The following ARHGAP25 variants were observed in gnomAD, a reference collection of about 807,000 sequenced individuals.
ARHGAP25 encodes Rho GTPase activating protein 25, also known as rho GTPase-activating protein 25.
ARHGAP25 carries 34 observed loss-of-function variants against 71.0 expected under a neutral mutation model. That is an observed-to-expected ratio of 0.48 (90% CI 0.36 to 0.64). The LOEUF (loss-of-function observed/expected upper bound fraction) is 0.64. Ranked by LOEUF, ARHGAP25 falls within the 30% of genes least tolerant of loss-of-function variation. The pLI is 0.00. For synonymous variants in ARHGAP25, 282 were observed against 296.5 expected (o/e 0.95, Z 0.50); for missense variants, 706 against 805.1 (o/e 0.88, Z 1.49).
chr2:68,743,506 T>C (rs569521340), intron 1 of ARHGAP25, among the ~76,000 whole-genome samples: 1 of 152,300 alleles, frequency 6.6e-6, no homozygotes, highest in African/African-American at 2.4e-5. Flanking sequence ...ACCCAAAGAT[T>C]CTTGTGCATG....
chr2:68,817,874 T>G lies in ARHGAP25; in HGVS notation c.883T>G (p.Phe295Val), dbSNP rs1327536212. 1 of 1,613,772 alleles carries G rather than the reference T, an allele frequency of 6.2e-7. No homozygotes were observed. Among genetic ancestry groups the G allele is most frequent in the African/African-American group, 1.3e-5 (1 of 74,906 alleles). ...ATGGGATTTCTTGGCTGTCTGTAGG[T>G]TCCTACATGAAATACAGCTGAACTG... ...NYSLLSYICR[F>V]LHEIQLNCAV... Residue 295 changes from phenylalanine (F) to valine (V), a missense_variant and splice_region_variant, in exon 8 of 11, where the codon TTC becomes GTC. Transcript: ENST00000409202.
intron 4 of ARHGAP25, among the ~76,000 whole-genome samples, chr2:68,802,407 C>CAAAAAAA (rs10688959): frequency 1.3e-4 from 11 of 82,120 alleles, no homozygotes; most frequent in Admixed American, 3.2e-4. Context: ...GACTCCATCT[C>CAAAAAAA]AAAAAAAAAA....
At chr2:68,758,127 G>T (rs1209222888) in intron 1 of ARHGAP25, among the ~76,000 whole-genome samples, 3 of 151,808 alleles carry the variant, frequency 2.0e-5, no homozygotes, top group Non-Finnish European at 4.4e-5. Flanking sequence ...CAAACACGAA[G>T]GAAGAAAGTT....
chr2:68,765,681 A>G (rs1677079301), intron 1 of ARHGAP25, among the ~76,000 whole-genome samples: 1 of 152,250 alleles, frequency 6.6e-6, no homozygotes. Flanking sequence ...AACAAAACTA[A>G]TCAATAATTC....
chr2:68,796,857 C>A (rs144331001), intron 4 of ARHGAP25, among the ~76,000 whole-genome samples: 2 of 152,010 alleles, frequency 1.3e-5, no homozygotes, highest in Non-Finnish European at 2.9e-5. Flanking sequence ...TTTTGGGCAG[C>A]GAGGATGGTG....
chr2:68,718,495 C>T (rs768252816), intron 2 of ARHGAP25, among the ~76,000 whole-genome samples: 2 of 151,642 alleles, frequency 1.3e-5, no homozygotes, highest in African/African-American at 2.4e-5. Flanking sequence ...CTGCAAAGTA[C>T]TTTTACCATA....
chr2:68,724,066 G>A (rs1037367051), intron 2 of ARHGAP25, among the ~76,000 whole-genome samples: 1 of 151,978 alleles, frequency 6.6e-6, no homozygotes, highest in African/African-American at 2.4e-5. Context: ...TCTTCTTTGA[G>A]GTCTGAGTAT....
In ARHGAP25 at chr2:68,818,732, G is replaced by T. The variant is rs143220444; in HGVS notation, c.1004-391G>T. 5.0e-3 allele frequency among the ~76,000 whole-genome samples: 768 copies of T among 152,376 alleles called. 7 individuals carry two copies. Among genetic ancestry groups the T allele is most frequent in the South Asian group, 0.016 (77 of 4,828 alleles). On this transcript the variant is annotated intron_variant, in intron 8 of 10. Coordinates refer to ENST00000409202, the MANE Select transcript of ARHGAP25 (RefSeq NM_001007231.3). ...CACAGAGTACTGATATCTGCCATGG[G>T]CATGGGGGCAGAAAGCCTGGCACAT...
intron 1 of ARHGAP25, among the ~76,000 whole-genome samples, chr2:68,764,936 G>A (rs978215841): frequency 5.9e-5 from 9 of 152,118 alleles, no homozygotes; most frequent in South Asian, 2.1e-4. Flanking sequence ...ATCTCCCCTT[G>A]TTATTATTGA....
chr2:68,756,843 T>C (rs572168653), intron 1 of ARHGAP25, among the ~76,000 whole-genome samples: 1 of 152,170 alleles, frequency 6.6e-6, no homozygotes, highest in East Asian at 1.9e-4. Flanking sequence ...GAAGACCTGA[T>C]GGCACATCTA....
intron 1 of ARHGAP25, among the ~76,000 whole-genome samples, chr2:68,747,431 C>T (rs1428530647): frequency 6.6e-6 from 1 of 152,166 alleles, no homozygotes; most frequent in African/African-American, 2.4e-5. Context: ...AGTGCAGGGA[C>T]CATCTAAGCA....
intron 4 of ARHGAP25, among the ~76,000 whole-genome samples, chr2:68,796,314 A>G (rs1679534067): frequency 6.6e-6 from 1 of 151,982 alleles, no homozygotes; most frequent in Admixed American, 6.6e-5. Context: ...AATATTTTGG[A>G]TTCTTTATCT....
In ARHGAP25 at chr2:68,753,006, A is replaced by G. The variant is rs752021028; in HGVS notation, c.61+17746A>G. Among the ~76,000 whole-genome samples, 248 of 152,240 alleles carry G rather than the reference A, an allele frequency of 1.6e-3. 1 individual carries two copies. The highest frequency in any genetic ancestry group is 2.9e-3 in the Non-Finnish European group (194 of 68,016). On this transcript the variant is annotated intron_variant, in intron 1 of 10. Transcript: ENST00000409202. ...GTCCCTGGACTTTACCCAGTTGATG[A>G]CAGCATCAATCCTCCCAGTTATGAC... is the stretch of plus-strand genomic sequence containing the variant.
intron 2 of ARHGAP25, among the ~76,000 whole-genome samples, chr2:68,723,369 G>A (rs1293749558): frequency 1.3e-5 from 2 of 152,220 alleles, no homozygotes; most frequent in Non-Finnish European, 2.9e-5. Context: ...CTGGTGGGAT[G>A]CAGCCCAGCT....
intron 2 of ARHGAP25, among the ~76,000 whole-genome samples, chr2:68,776,119 C>T (rs1054207220): frequency 5.9e-5 from 9 of 151,612 alleles, no homozygotes; most frequent in Admixed American, 1.3e-4. Context: ...GCAGAGAGAA[C>T]GGCCGGTGCT....
intron 6 of ARHGAP25, among the ~76,000 whole-genome samples, chr2:68,815,989 G>A (rs62133268): frequency 0.25 from 38,627 of 152,010 alleles, 6,044 homozygotes; most frequent in East Asian, 0.44. Context: ...AACAATTAAC[G>A]TATGAGTTGT....
chr2:68,711,636 A>T (rs1674484238), intron 2 of ARHGAP25, among the ~76,000 whole-genome samples: 1 of 152,020 alleles, frequency 6.6e-6, no homozygotes, highest in African/African-American at 2.4e-5. Flanking sequence ...CGTCATCTAC[A>T]TTAGGTATTT....
At chr2:68,726,599 T>G (rs188666723) in intron 2 of ARHGAP25, among the ~76,000 whole-genome samples, 6 of 152,330 alleles carry the variant, frequency 3.9e-5, no homozygotes, top group Non-Finnish European at 8.8e-5. Context: ...AGATATAAAT[T>G]TTTTGGCTAT....
chr2:68,786,598 C>T (rs761728504), intron 3 of ARHGAP25, among the ~76,000 whole-genome samples: 3 of 152,202 alleles, frequency 2.0e-5, no homozygotes, highest in Non-Finnish European at 2.9e-5. Context: ...ATCCAGTTCT[C>T]AGGATACTCT....
Sources: gnomAD v4.1 joint callset for allele counts (sites outside exome capture counted in the v4.1 genomes callset) on GRCh38, gnomAD v4.1.1 for gene constraint, MANE v1.5 for transcripts, NCBI Gene and HGNC (gene_info 2026-07-23, HGNC 2026-07-21) for gene names.